Variants in SPIRE1 observed in about 807,000 individuals in gnomAD.
SPIRE1 encodes spire type actin nucleation factor 1.
SPIRE1 carries 40 observed loss-of-function variants against 94.1 expected under a neutral mutation model. The ratio of observed to expected loss-of-function variants is 0.43; its 90% confidence interval spans 0.33 to 0.55. The LOEUF (loss-of-function observed/expected upper bound fraction) is 0.55, where lower values mean the gene tolerates loss of function less well. Among genes scored for constraint, SPIRE1 ranks in the 20% least tolerant of loss-of-function variants. The pLI is 0.06. For synonymous variants in SPIRE1, 376 were observed against 371.7 expected (o/e 1.01, Z -0.13); for missense variants, 838 against 975.2 (o/e 0.86, Z 1.87).
At chr18:12,503,355 G>C (rs1383504945) in intron 6 of SPIRE1, among the ~76,000 whole-genome samples, 1 of 152,104 alleles carries the variant, frequency 6.6e-6, no homozygotes, top group Non-Finnish European at 1.5e-5. Context: ...AACACTGCCT[G>C]CTCTTTGCAG....
intron 1 of SPIRE1, among the ~76,000 whole-genome samples, chr18:12,635,692 T>C (rs1458549586): frequency 6.6e-6 from 1 of 152,154 alleles, no homozygotes; most frequent in Non-Finnish European, 1.5e-5. Flanking sequence ...TTAGTATTTT[T>C]CTCCATCACT....
intron 1 of SPIRE1, among the ~76,000 whole-genome samples, chr18:12,637,517 CAT>C (rs767344905): frequency 6.6e-6 from 1 of 152,152 alleles, no homozygotes; most frequent in African/African-American, 2.4e-5. Flanking sequence ...GCAATGAGCA[CAT>C]GAGTAAATAC....
chr18:12,503,545 G>A (rs1224282087), intron 6 of SPIRE1, among the ~76,000 whole-genome samples: 3 of 152,142 alleles, frequency 2.0e-5, no homozygotes, highest in Non-Finnish European at 4.4e-5. Flanking sequence ...TAATGATGGC[G>A]AGTTGTTTTT....
intron 4 of SPIRE1, among the ~76,000 whole-genome samples, chr18:12,532,183 T>C (rs2034701846): frequency 6.6e-6 from 1 of 152,136 alleles, no homozygotes; most frequent in African/African-American, 2.4e-5. Context: ...CATCACATCA[T>C]GAAAGGGATT....
chr18:12,597,609 A>T (rs2036713595), intron 2 of SPIRE1, among the ~76,000 whole-genome samples: 1 of 152,196 alleles, frequency 6.6e-6, no homozygotes, highest in African/African-American at 2.4e-5. Flanking sequence ...TGTTTGGAAG[A>T]AGAAATAATT....
intron 2 of SPIRE1, among the ~76,000 whole-genome samples, chr18:12,621,195 T>C (rs2037458368): frequency 6.6e-6 from 1 of 152,148 alleles, no homozygotes; most frequent in South Asian, 2.1e-4. Context: ...TTACATGCAC[T>C]AGGATGCCCA....
intron 6 of SPIRE1, among the ~76,000 whole-genome samples, chr18:12,498,070 G>A (rs974699889): frequency 4.6e-5 from 7 of 152,150 alleles, no homozygotes; most frequent in African/African-American, 1.7e-4. Flanking sequence ...TGGGACTAGA[G>A]TGTTTCAGAT....
chr18:12,471,641 C>T (rs1215047996), intron 10 of SPIRE1, among the ~76,000 whole-genome samples: 1 of 151,984 alleles, frequency 6.6e-6, no homozygotes, highest in Admixed American at 6.5e-5. Flanking sequence ...TTCTTTAATT[C>T]AGGCATTCTC....
chr18:12,467,070 A>T (rs2032137997), intron 10 of SPIRE1, among the ~76,000 whole-genome samples: 1 of 152,140 alleles, frequency 6.6e-6, no homozygotes, highest in African/African-American at 2.4e-5. Flanking sequence ...ACTTGAGGTC[A>T]GGAGCTCAAG....
At chr18:12,648,901 A>AG (rs1340988993) in intron 1 of SPIRE1, among the ~76,000 whole-genome samples, 1 of 151,366 alleles carries the variant, frequency 6.6e-6, no homozygotes, top group Admixed American at 6.6e-5. Flanking sequence ...AAAAAAAAAA[A>AG]AAAAAAAAAA....
rs2034415392 is a variant in SPIRE1 at position 12,523,307 on chromosome 18, T to C, written c.730-10776A>G. ...ACTTGAACTAATGAGGAGTTGTTTC[T>C]TATGGATGAGCAAGGAAAGTAGTTT... On this transcript the variant is annotated intron_variant, in intron 4 of 16. Coordinates refer to ENST00000409402, the MANE Select transcript of SPIRE1 (RefSeq NM_001128626.2). Among the ~76,000 whole-genome samples, 4 of 152,206 alleles carry C rather than the reference T, an allele frequency of 2.6e-5. No individual in the cohort carries two copies. The South Asian group carries it at 8.3e-4, about 32-fold the overall frequency.
upstream of SPIRE1, among the ~76,000 whole-genome samples, chr18:12,659,886 C>T (rs147078037): frequency 1.8e-3 from 273 of 152,276 alleles, 1 homozygote; most frequent in African/African-American, 6.4e-3. Context: ...ATAAATATAT[C>T]TCTGTCCTCT....
At chr18:12,548,242 T>G (rs2035230565) in intron 2 of SPIRE1, among the ~76,000 whole-genome samples, 1 of 152,212 alleles carries the variant, frequency 6.6e-6, no homozygotes, top group African/African-American at 2.4e-5. Flanking sequence ...AATAAAATCT[T>G]TCATTTTCAG....
intron 2 of SPIRE1, 138 bp from the exon 3 acceptor site, chr18:12,547,042 T>C (rs2035194348): frequency 3.4e-6 from 2 of 586,826 alleles, no homozygotes; most frequent in Non-Finnish European, 6.0e-6. Flanking sequence ...TTATATTCTC[T>C]TAGATTTATA....
At chr18:12,472,340 A>C in intron 10 of SPIRE1, among the ~76,000 whole-genome samples, 1 of 149,574 alleles carries the variant, frequency 6.7e-6, no homozygotes. Context: ...TCAATACAAA[A>C]CCATTATAGC....
At chr18:12,623,927 CTTTT>C (rs573294664) in intron 2 of SPIRE1, among the ~76,000 whole-genome samples, 1,413 of 132,576 alleles carry the variant, frequency 0.011, 31 homozygotes, top group African/African-American at 0.036. Flanking sequence ...TGCACTCGGC[CTTTT>C]TTTTTTTCTT....
At chr18:12,617,309 G>A (rs2037339583) in intron 2 of SPIRE1, among the ~76,000 whole-genome samples, 1 of 151,242 alleles carries the variant, frequency 6.6e-6, no homozygotes, top group Non-Finnish European at 1.5e-5. Flanking sequence ...CCGCCTCCTG[G>A]GTTCAAGCGA....
intron 2 of SPIRE1, among the ~76,000 whole-genome samples, chr18:12,551,310 T>C (rs1022303681): frequency 1.8e-4 from 28 of 152,200 alleles, no homozygotes; most frequent in African/African-American, 6.3e-4. Context: ...AGTTGTTTTA[T>C]AACAGTAATA....
chr18:12,530,003 T>A (rs915082661), intron 4 of SPIRE1, among the ~76,000 whole-genome samples: 1 of 152,150 alleles, frequency 6.6e-6, no homozygotes, highest in Non-Finnish European at 1.5e-5. Context: ...GACATCAATA[T>A]AGTAGTAATG....
Sources: gnomAD v4.1 joint callset for allele counts (sites outside exome capture counted in the v4.1 genomes callset) on GRCh38, gnomAD v4.1.1 for gene constraint, MANE v1.5 for transcripts, NCBI Gene and HGNC (gene_info 2026-07-23, HGNC 2026-07-21) for gene names.